The following TSC22D4 variants were observed in gnomAD, a reference collection of about 807,000 sequenced individuals.
TSC22D4 encodes TSC22 domain family member 4, also known as TSC22 domain family protein 4.
A neutral mutation model predicts 24.9 loss-of-function variants in TSC22D4; 5 were observed. The ratio of observed to expected loss-of-function variants is 0.20; its 90% CI spans 0.10 to 0.42. The LOEUF (loss-of-function observed/expected upper bound fraction) is 0.42. TSC22D4 is among the 10% of genes least tolerant of loss of function. The probability of loss-of-function intolerance (pLI) is 1.00; values close to 1 mark genes in which losing one functional copy is unlikely to be tolerated. For synonymous variants in TSC22D4, 245 were observed against 243.2 expected, an observed-to-expected ratio of 1.01 and a Z score of -0.07; for missense variants, 469 against 547.9, an observed-to-expected ratio of 0.86 and a Z score of 1.44.
intron 3 of TSC22D4, among the ~76,000 whole-genome samples, chr7:100,468,797 C>T (rs1463552038): frequency 6.6e-6 from 1 of 151,256 alleles, no homozygotes; most frequent in Non-Finnish European, 1.5e-5. Flanking sequence ...ATTAGCCAGG[C>T]GTGGTGGAGG....
rs770161034 is a variant in TSC22D4 at position 100,477,951 on chromosome 7, G to T, written c.88C>A (p.Pro30Thr). The T allele has an allele frequency of 4.5e-6, 7 of 1,557,914 alleles. No individual in the cohort carries two copies. Among genetic ancestry groups the T allele is most frequent in the Non-Finnish European group, 6.1e-6 (7 of 1,151,102 alleles). ...CCGGTTGGGGGCTGTGGGGTAGGGG[G>T]ATCCGAAGCCCCTGGGCTCCCAGGG... ...EGPGSPGASD[P>T]PTPQPPTGPP... The change falls in exon 2 of 5, where the codon CCC (proline) becomes ACC (threonine). Residue 30 changes from proline to threonine, a missense_variant. Physicochemically the swap from Pro to Thr is conservative, Grantham distance 38. Coordinates refer to ENST00000300181, the MANE Select transcript of TSC22D4 (RefSeq NM_030935.5). This position sits in a 1 kb window ranked among gnomAD's most constrained non-coding sequence, Gnocchi z 7.8.
chr7:100,467,930 C>T (rs1277066384), intron 3 of TSC22D4: 3 of 548,440 alleles, frequency 5.5e-6, no homozygotes, highest in African/African-American at 1.9e-5. Flanking sequence ...ACAGAGACCC[C>T]TGGCTGGGCC....
chr7:100,478,106 C>A lies in TSC22D4; in HGVS notation c.-68G>T. 1.5e-6 allele frequency: 2 copies of A among 1,376,938 alleles called. No homozygotes were observed. Among genetic ancestry groups the A allele is most frequent in the South Asian group, 1.4e-5 (1 of 72,396 alleles). 85.3% of individuals were successfully genotyped at this position (1,376,938 alleles called of 1,614,324 possible). A position where few individuals can be genotyped will look rare whatever the true frequency, so the allele number is the denominator to read the frequency against. Reference sequence around the variant, plus strand: ...GGGGCTCCTTGAAGGGGCTCAGGCACCCCTGGAACAAGGGGGCCACATGGC... The same window carrying A: ...GGGGCTCCTTGAAGGGGCTCAGGCAACCCTGGAACAAGGGGGCCACATGGC... On this transcript the variant is annotated 5_prime_UTR_variant, in exon 2 of 5. Transcript: ENST00000300181.
chr7:100,476,420 C>T (rs1404211900), intron 2 of TSC22D4, among the ~76,000 whole-genome samples: 2 of 152,100 alleles, frequency 1.3e-5, no homozygotes, highest in African/African-American at 4.8e-5. Context: ...CCCTGCCTTT[C>T]CCCAGACCTC....
At position 100,474,183 on chromosome 7, in the gene TSC22D4, G is replaced by A. The variant is rs373867038; in HGVS notation, c.929+91C>T. 6.5e-7 allele frequency: 1 copy of A among 1,527,224 alleles called. No homozygotes were observed. The highest frequency in any genetic ancestry group is 1.4e-5 in the African/African-American group (1 of 73,164). 94.6% of individuals were successfully genotyped at this position (1,527,224 alleles called of 1,614,324 possible). A position where few individuals can be genotyped will look rare whatever the true frequency, so the allele number is the denominator to read the frequency against. On this transcript the variant is annotated intron_variant, in intron 3 of 4. Transcript: ENST00000300181. This position sits in a 1 kb window ranked among gnomAD's most constrained non-coding sequence, Gnocchi z 4.3. ...CCTCTCCAAGTTCAACCTGGGGGAAGGATGCCTACCAGGCACTTTCTTACA... is the reference window on the plus strand; with the variant it reads ...CCTCTCCAAGTTCAACCTGGGGGAAAGATGCCTACCAGGCACTTTCTTACA...
intron 3 of TSC22D4, among the ~76,000 whole-genome samples, chr7:100,471,001 G>A (rs1780970380): frequency 6.6e-6 from 1 of 152,118 alleles, no homozygotes; most frequent in African/African-American, 2.4e-5. Flanking sequence ...CTTCCTCTTT[G>A]AGGGTCAAAT....
intron 1 of TSC22D4, 43 bp from the exon 2 acceptor site, chr7:100,478,350 AGTGTGTGT>A (rs35439211): frequency 0.089 from 7,424 of 83,382 alleles, 503 homozygotes; most frequent in African/African-American, 0.11. Flanking sequence ...AGAGAGAGAG[AGTGTGTGT>A]GTGTGTGTGT....
chr7:100,467,691 G>A (rs1384652532), intron 3 of TSC22D4, 91 bp from the exon 4 acceptor site: 1 of 1,249,316 alleles, frequency 8.0e-7, no homozygotes, highest in Non-Finnish European at 1.2e-6. Flanking sequence ...ACACCCCCCT[G>A]TACCTGTGAC....
At chr7:100,478,350 A>AGAGAGGGTGTGTGTGTGT (rs1228276528) in intron 1 of TSC22D4, 43 bp from the exon 2 acceptor site, 1 of 82,804 alleles carries the variant, frequency 1.2e-5, no homozygotes, top group African/African-American at 7.5e-5. Context: ...AGAGAGAGAG[A>AGAGAGGGTGTGTGTGTGT]GTGTGTGTGT....
In TSC22D4 at chr7:100,466,877, A is replaced by G; in HGVS notation, c.*82T>C. 3.7e-6 allele frequency: 5 copies of G among 1,362,412 alleles called. No homozygotes were observed. The highest frequency in any genetic ancestry group is 4.9e-6 in the Non-Finnish European group (5 of 1,012,480). 84.4% of individuals were successfully genotyped at this position (1,362,412 alleles called of 1,614,324 possible). ...ACTCCCACCCCGGGGACACGGGGAC[A>G]TTAAAGCTGCATAGGAAGAGGGGGC... On this transcript the variant is annotated 3_prime_UTR_variant, in exon 5 of 5. Coordinates refer to ENST00000300181, the MANE Select transcript of TSC22D4 (RefSeq NM_030935.5).
intron 1 of TSC22D4, 43 bp from the exon 2 acceptor site, chr7:100,478,350 A>AGTGT (rs35439211): frequency 0.014 from 1,201 of 83,716 alleles, 42 homozygotes; most frequent in East Asian, 0.026. Context: ...AGAGAGAGAG[A>AGTGT]GTGTGTGTGT....
chr7:100,472,647 A>G (rs1799414327), intron 3 of TSC22D4, among the ~76,000 whole-genome samples: 1 of 151,796 alleles, frequency 6.6e-6, no homozygotes, highest in South Asian at 2.1e-4. Context: ...CCGACCTCAC[A>G]CCTCGCACAT....
intron 3 of TSC22D4, chr7:100,473,794 T>C (rs1438005132): frequency 6.6e-6 from 1 of 152,062 alleles, no homozygotes; most frequent in African/African-American, 2.4e-5. Flanking sequence ...TTTCTTTTTC[T>C]TTTTAGAGAT....
At chr7:100,467,222 C>A in intron 4 of TSC22D4, 54 bp from the exon 5 acceptor site, 1 of 1,566,338 alleles carries the variant, frequency 6.4e-7, no homozygotes, top group Non-Finnish European at 8.8e-7. Context: ...TCATCCCCTG[C>A]CCAGTGCCTT....
intron 3 of TSC22D4, chr7:100,468,156 G>A: frequency 3.2e-6 from 1 of 312,838 alleles, no homozygotes; most frequent in Non-Finnish European, 6.4e-6. Flanking sequence ...GGGGACACGG[G>A]GACCCCCCCT....
intron 3 of TSC22D4, among the ~76,000 whole-genome samples, chr7:100,471,756 A>G (rs906023912): frequency 1.3e-5 from 2 of 151,992 alleles, no homozygotes; most frequent in African/African-American, 4.8e-5. Flanking sequence ...AAAAAAACAA[A>G]AACAAAACAA....
Position 100,477,199 on chromosome 7 carries a change from G to T in TSC22D4, c.762+78C>A, listed in dbSNP as rs182567995. 12 of 1,176,400 alleles carry T rather than the reference G, an allele frequency of 1.0e-5. No homozygotes were observed. Among genetic ancestry groups the T allele is most frequent in the East Asian group, 2.7e-5 (1 of 36,854 alleles). The allele number at this position is 1,176,400 out of a possible 1,614,324, so 72.9% of individuals were successfully genotyped here. On this transcript the variant is annotated intron_variant, in intron 2 of 4. Transcript: ENST00000300181. The surrounding 1 kb of genome is among the most constrained non-coding windows in gnomAD (Gnocchi z 7.8). ...AGTGATGGAGAAGGAGGAGGAGAGG[G>T]GGGGGAGGAGGAGGAAGGAGGCTCA...
chr7:100,478,203 T>G lies in TSC22D4; in HGVS notation c.-165A>C. On this transcript the variant is annotated 5_prime_UTR_variant, in exon 2 of 5. Transcript: ENST00000300181. ...GGGCCTGGCGGGAACCGGGGGTGCCTGCTGGGTGAGGGGAGAAGAGGAGAG... is the reference window on the plus strand; with the variant it reads ...GGGCCTGGCGGGAACCGGGGGTGCCGGCTGGGTGAGGGGAGAAGAGGAGAG... 2 of 253,354 alleles carry G rather than the reference T, an allele frequency of 7.9e-6. No homozygotes were observed. The highest frequency in any genetic ancestry group is 6.8e-6 in the Non-Finnish European group (1 of 146,412). The allele number at this position is 253,354 out of a possible 1,614,324, so 15.7% of individuals were successfully genotyped here. A position where few individuals can be genotyped will look rare whatever the true frequency, so the allele number is the denominator to read the frequency against.
At position 100,477,977 on chromosome 7, in the gene TSC22D4, C is replaced by T. The variant is rs1270591994; in HGVS notation, c.62G>A (p.Gly21Asp). 3 of 1,579,840 alleles carry T rather than the reference C, an allele frequency of 1.9e-6. No individual in the cohort carries two copies. The African/African-American group carries it at 4.0e-5, about 21-fold the overall frequency. ...QITSVTTDYE[G>D]PGSPGASDPP... ...ATCCGAAGCCCCTGGGCTCCCAGGG[C>T]CCTCATAGTCCGTGGTGACGCTGGT... Residue 21 changes from glycine (G) to aspartate (D), a missense_variant, in exon 2 of 5, where the codon GGC becomes GAC. By Grantham distance (94) the Gly-to-Asp change is moderately conservative. Coordinates refer to ENST00000300181, the MANE Select transcript of TSC22D4 (RefSeq NM_030935.5). This position sits in a 1 kb window ranked among gnomAD's most constrained non-coding sequence, Gnocchi z 7.8.
Sources: gnomAD v4.1 joint callset for allele counts (sites outside exome capture counted in the v4.1 genomes callset) on GRCh38, gnomAD v4.1.1 for gene constraint, Gnocchi (gnomAD v3.1) non-coding constraint, MANE v1.5 for transcripts, NCBI Gene and HGNC (gene_info 2026-07-23, HGNC 2026-07-21) for gene names.